The following ELP3 variants were observed in gnomAD, a reference collection of about 807,000 sequenced individuals.
The protein encoded by ELP3 is elongator complex protein 3.
Under a neutral mutation model 74.9 loss-of-function variants are expected in ELP3, and 56 were observed. The observed-to-expected ratio is 0.75, with a 90% confidence interval of 0.60 to 0.93. The LOEUF (loss-of-function observed/expected upper bound fraction) is 0.93, where lower values mean the gene tolerates loss of function less well. Ranked by LOEUF, ELP3 falls within the 40% of genes least tolerant of loss-of-function variation. ELP3 has a pLI of 0.00. For synonymous variants in ELP3, 222 were observed against 239.8 expected (o/e 0.93, Z 0.68); for missense variants, 573 against 686.5 (o/e 0.83, Z 1.85).
At chr8:28,135,978 T>C (rs1812973722) in intron 9 of ELP3, among the ~76,000 whole-genome samples, 1 of 150,586 alleles carries the variant, frequency 6.6e-6, no homozygotes, top group Admixed American at 6.6e-5. Context: ...TTTTTTTTTC[T>C]TGAGATGGAG....
chr8:28,182,452 T>A (rs1234420071), intron 14 of ELP3, among the ~76,000 whole-genome samples: 1 of 152,126 alleles, frequency 6.6e-6, no homozygotes, highest in African/African-American at 2.4e-5. Flanking sequence ...TCCCAGGTAC[T>A]CTGGAGGCTG....
intron 7 of ELP3, among the ~76,000 whole-genome samples, chr8:28,121,547 C>T (rs910014378): frequency 6.6e-6 from 1 of 151,814 alleles, no homozygotes; most frequent in Non-Finnish European, 1.5e-5. Context: ...CTCAAACTCC[C>T]GGCCTCAGGT....
intron 14 of ELP3, among the ~76,000 whole-genome samples, chr8:28,163,669 A>G (rs1352419490): frequency 6.6e-6 from 1 of 152,128 alleles, no homozygotes; most frequent in East Asian, 1.9e-4. Context: ...CAACTGTTTA[A>G]CCTGTGGTTG....
intron 14 of ELP3, among the ~76,000 whole-genome samples, chr8:28,180,425 T>C (rs1814959005): frequency 6.6e-6 from 1 of 152,238 alleles, no homozygotes; most frequent in South Asian, 2.1e-4. Flanking sequence ...TCCCACACTT[T>C]AACATTTCCT....
At chr8:28,111,005 GA>G in intron 6 of ELP3, 1 of 153,588 alleles carries the variant, frequency 6.5e-6, no homozygotes, top group Non-Finnish European at 1.4e-5. Context: ...CTTGAGCCTG[GA>G]AGGTCAAGGC....
At chr8:28,161,557 G>A (rs1814088726) in intron 13 of ELP3, among the ~76,000 whole-genome samples, 2 of 149,326 alleles carry the variant, frequency 1.3e-5, no homozygotes, top group Non-Finnish European at 3.0e-5. Context: ...CCAATGCAGT[G>A]AGCCACTGCA....
intron 7 of ELP3, 99 bp from the exon 8 acceptor site, chr8:28,129,403 A>G (rs1812705100): frequency 1.6e-6 from 2 of 1,254,572 alleles, no homozygotes; most frequent in African/African-American, 1.5e-5. Context: ...ACTCTTTACC[A>G]CTATCTCATA....
chr8:28,164,829 A>G (rs1240838837), intron 14 of ELP3, among the ~76,000 whole-genome samples: 1 of 151,892 alleles, frequency 6.6e-6, no homozygotes, highest in Non-Finnish European at 1.5e-5. Context: ...GGTGTTTTTA[A>G]TGTTGTGTTT....
intron 14 of ELP3, among the ~76,000 whole-genome samples, chr8:28,184,439 C>A (rs1192956180): frequency 6.6e-6 from 1 of 152,170 alleles, no homozygotes; most frequent in Non-Finnish European, 1.5e-5. Flanking sequence ...TTCTAGGGCA[C>A]ACCCCCTGTA....
intron 14 of ELP3, among the ~76,000 whole-genome samples, chr8:28,170,001 A>G (rs4732630): frequency 0.086 from 13,024 of 152,216 alleles, 1,030 homozygotes; most frequent in East Asian, 0.33. Context: ...GATGGCAGCC[A>G]TAGTATTTTT....
At chr8:28,150,603 C>T (rs560686586) in intron 10 of ELP3, among the ~76,000 whole-genome samples, 8 of 152,074 alleles carry the variant, frequency 5.3e-5, no homozygotes, top group Middle Eastern at 3.4e-3. Context: ...TTTCTCTATA[C>T]GTAAGGTGTT....
chr8:28,142,442 T>C (rs542884286), intron 10 of ELP3, among the ~76,000 whole-genome samples: 2 of 152,324 alleles, frequency 1.3e-5, no homozygotes, highest in South Asian at 2.1e-4. Context: ...TGAGGAGTGG[T>C]ACAGGTGGAT....
At chr8:28,157,471 A>G (rs1490624439) in intron 11 of ELP3, among the ~76,000 whole-genome samples, 1 of 152,162 alleles carries the variant, frequency 6.6e-6, no homozygotes, top group East Asian at 1.9e-4. Context: ...GTTTACTGGA[A>G]TTCATGGACT....
chr8:28,166,115 A>T (rs1276293739), intron 14 of ELP3, among the ~76,000 whole-genome samples: 2 of 152,190 alleles, frequency 1.3e-5, no homozygotes, highest in Admixed American at 6.5e-5. Flanking sequence ...GTCACCGTGT[A>T]TTGAGGGCTC....
chr8:28,163,981 A>G (rs754197631), intron 14 of ELP3, among the ~76,000 whole-genome samples: 2 of 152,132 alleles, frequency 1.3e-5, no homozygotes, highest in Non-Finnish European at 2.9e-5. Context: ...TTCTCTTTTC[A>G]GTCACTGAGA....
intron 10 of ELP3, among the ~76,000 whole-genome samples, chr8:28,138,508 T>G (rs1221889019): frequency 2.0e-5 from 3 of 152,182 alleles, no homozygotes; most frequent in African/African-American, 4.8e-5. Flanking sequence ...AGCCATAAAG[T>G]TACCCGTATA....
chr8:28,190,510 G>A lies in ELP3; in HGVS notation c.*785G>A, dbSNP rs965609743. The A allele has an allele frequency of 6.6e-6, 1 of 152,198 alleles. No individual in the cohort carries two copies. The highest frequency in any genetic ancestry group is 2.4e-5 in the African/African-American group (1 of 41,424). The allele number at this position is 152,198 out of a possible 1,614,324, so 9.4% of individuals were successfully genotyped here. ...CTTTCCTGTCTGTCTATCCTGAGCGGGTGGAGTCTCAGGTTGTGTGCCCCT... is the reference window on the plus strand; with the variant it reads ...CTTTCCTGTCTGTCTATCCTGAGCGAGTGGAGTCTCAGGTTGTGTGCCCCT... On this transcript the variant is annotated 3_prime_UTR_variant, in exon 15 of 15. Transcript: ENST00000256398.
intron 14 of ELP3, among the ~76,000 whole-genome samples, chr8:28,188,281 T>C (rs1483022245): frequency 1.3e-5 from 2 of 152,136 alleles, no homozygotes; most frequent in African/African-American, 2.4e-5. Flanking sequence ...TCATAAAAAA[T>C]ATAATTTGGT....
chr8:28,095,229 C>CT (rs779914611), intron 1 of ELP3, among the ~76,000 whole-genome samples: 4 of 152,198 alleles, frequency 2.6e-5, no homozygotes, highest in Non-Finnish European at 5.9e-5. Context: ...TTCATGAAGT[C>CT]TTTTCCTACT....
Sources: allele counts gnomAD v4.1 joint callset (sites outside exome capture counted in the v4.1 genomes callset), GRCh38; gene constraint gnomAD v4.1.1; transcripts MANE v1.5; gene names NCBI Gene and HGNC (gene_info 2026-07-23, HGNC 2026-07-21).